DPP6: variants seen among roughly 807,000 people sequenced by gnomAD.
The protein encoded by DPP6 is A-type potassium channel modulatory protein DPP6.
In DPP6, 69 loss-of-function variants were observed where a neutral mutation model predicts 122.6. The observed-to-expected ratio is 0.56, with a 90% CI of 0.46 to 0.69. DPP6 has a LOEUF of 0.69. Among genes scored for constraint, DPP6 ranks in the 30% least tolerant of loss-of-function variants. The pLI, the probability that DPP6 is intolerant of heterozygous loss-of-function variation, is 0.00. For missense variants in DPP6, 928 were observed against 1,116.9 expected (o/e 0.83, Z 2.41); for synonymous variants, 418 against 433.1 (o/e 0.97, Z 0.43).
intron 1 of DPP6, among the ~76,000 whole-genome samples, chr7:154,375,782 A>G (rs958719018): frequency 3.3e-5 from 5 of 152,198 alleles, no homozygotes; most frequent in African/African-American, 1.2e-4. Context: ...GCTGGAGCAG[A>G]CCAACGCAAG....
At chr7:153,786,607 C>T in the DPP6 span, among the ~76,000 whole-genome samples, 7 of 151,534 alleles carry the variant, frequency 4.6e-5, no homozygotes, top group African/African-American at 7.3e-5. Flanking sequence ...GGCGTGGTGG[C>T]GCGCACCTGT....
chr7:154,879,588 C>CAAAAAAAAAAAAA (rs778157355), intron 20 of DPP6, among the ~76,000 whole-genome samples: 1 of 41,612 alleles, frequency 2.4e-5, no homozygotes, highest in Non-Finnish European at 3.8e-5. Context: ...GACTCCGTCT[C>CAAAAAAAAAAAAA]AAAAAAAAAA....
In DPP6 at chr7:153,929,133, G is replaced by C. The variant is rs369087406; in HGVS notation, c.51+41399G>C. Among the ~76,000 whole-genome samples the C allele has an allele frequency of 3.3e-5, 5 of 152,292 alleles. No individual in the cohort carries two copies. The East Asian group carries it at 5.8e-4, about 18-fold the overall frequency. On this transcript the variant is annotated intron_variant, in intron 1 of 25. Coordinates refer to the DPP6 transcript ENST00000404039. ...GTTTGATGGGACTGCCCTGTCTGCT[G>C]TGTTGGGAAGAGACCACAGGTGACC...
intron 1 of DPP6, among the ~76,000 whole-genome samples, chr7:154,061,720 G>C (rs1216656629): frequency 4.7e-5 from 4 of 84,908 alleles, no homozygotes; most frequent in Admixed American, 1.1e-4. Context: ...ATCCCCGCGA[G>C]GCGGGGACTG....
chr7:154,629,132 CTGTCTA>C (rs1415903757), intron 5 of DPP6, among the ~76,000 whole-genome samples: 16 of 152,302 alleles, frequency 1.1e-4, no homozygotes, highest in Admixed American at 7.2e-4. Flanking sequence ...TCCTAGGGGA[CTGTCTA>C]TTGTGTTAAT....
intron 1 of DPP6, among the ~76,000 whole-genome samples, chr7:153,896,724 G>A (rs1052240540): frequency 6.6e-6 from 1 of 152,198 alleles, no homozygotes; most frequent in Admixed American, 6.5e-5. Context: ...GAGGCAGGAG[G>A]ATCTTTTGAG....
chr7:154,373,618 T>C (rs1044168676), intron 1 of DPP6, among the ~76,000 whole-genome samples: 2 of 152,198 alleles, frequency 1.3e-5, no homozygotes, highest in Admixed American at 6.5e-5. Context: ...AAAAATTGTG[T>C]TGTTGTAGTA....
the DPP6 span, among the ~76,000 whole-genome samples, chr7:153,802,028 A>C: frequency 1.4e-4 from 22 of 152,336 alleles, no homozygotes; most frequent in Admixed American, 1.4e-3. Context: ...GAAAAGTGTA[A>C]GTGACTTGCC....
At chr7:154,061,793 C>T (rs1192020520) in intron 1 of DPP6, among the ~76,000 whole-genome samples, 2 of 138,770 alleles carry the variant, frequency 1.4e-5, no homozygotes, top group East Asian at 2.1e-4. Context: ...AGGCACCCCT[C>T]GCGACGCGGG....
chr7:154,092,777 A>G (rs1275028701), intron 1 of DPP6: 1 of 151,944 alleles, frequency 6.6e-6, no homozygotes, highest in East Asian at 1.9e-4. Context: ...GACTATATTC[A>G]TATCTTTTGA....
At chr7:154,727,454 A>T (rs1055479152) in intron 7 of DPP6, among the ~76,000 whole-genome samples, 2 of 152,230 alleles carry the variant, frequency 1.3e-5, no homozygotes, top group African/African-American at 2.4e-5. Flanking sequence ...ATTTGACATG[A>T]GATTTGGACG....
At chr7:153,929,660 T>C (rs905337784) in intron 1 of DPP6, among the ~76,000 whole-genome samples, 1 of 152,168 alleles carries the variant, frequency 6.6e-6, no homozygotes, top group Non-Finnish European at 1.5e-5. Context: ...CCCAGGGCAC[T>C]TTCCCACCAG....
chr7:154,152,797 A>C (rs1205827953), intron 1 of DPP6, among the ~76,000 whole-genome samples: 4 of 152,244 alleles, frequency 2.6e-5, no homozygotes, highest in African/African-American at 7.2e-5. Context: ...ACACACAAGA[A>C]ATCCAGTAAG....
intron 1 of DPP6, among the ~76,000 whole-genome samples, chr7:154,024,399 G>A (rs1471762381): frequency 6.6e-6 from 1 of 151,968 alleles, no homozygotes; most frequent in Non-Finnish European, 1.5e-5. Flanking sequence ...TTAAAGACTG[G>A]GCTTGTTGGA....
At chr7:154,276,732 C>T in intron 1 of DPP6, among the ~76,000 whole-genome samples, 1 of 152,178 alleles carries the variant, frequency 6.6e-6, no homozygotes, top group East Asian at 1.9e-4. Flanking sequence ...GCTGTTGCTC[C>T]TAGTGGAAAT....
intron 1 of DPP6, among the ~76,000 whole-genome samples, chr7:154,318,266 G>T (rs1398980855): frequency 6.6e-6 from 1 of 152,220 alleles, no homozygotes; most frequent in Non-Finnish European, 1.5e-5. Context: ...GTATATGAGA[G>T]TTGTTAATGA....
At chr7:153,897,345 C>G (rs117755991) in intron 1 of DPP6, among the ~76,000 whole-genome samples, 1 of 152,274 alleles carries the variant, frequency 6.6e-6, no homozygotes, top group East Asian at 1.9e-4. Context: ...AATAAGAGAT[C>G]AAGTGGGAGA....
chr7:154,397,221 T>C (rs755636511), intron 1 of DPP6, among the ~76,000 whole-genome samples: 14 of 151,342 alleles, frequency 9.3e-5, no homozygotes, highest in Non-Finnish European at 1.8e-4. Context: ...GCACTTCTGA[T>C]GTTTTTTTTC....
At chr7:153,796,680 G>C in the DPP6 span, among the ~76,000 whole-genome samples, 3 of 152,250 alleles carry the variant, frequency 2.0e-5, no homozygotes, top group East Asian at 5.8e-4. Flanking sequence ...TCTGGGGGTG[G>C]GTGGCCTAGA....
Sources: gnomAD v4.1 joint callset for allele counts (sites outside exome capture counted in the v4.1 genomes callset) on GRCh38, gnomAD v4.1.1 for gene constraint, MANE v1.5 for transcripts, NCBI Gene and HGNC (gene_info 2026-07-23, HGNC 2026-07-21) for gene names.